Variants in ELL2 observed in about 807,000 individuals in gnomAD.
ELL2 encodes RNA polymerase II elongation factor ELL2.
ELL2 carries 21 observed loss-of-function variants against 72.8 expected under a neutral mutation model. The observed-to-expected ratio is 0.29, with a 90% confidence interval of 0.20 to 0.42. ELL2 has a LOEUF of 0.42. Ranked by LOEUF, ELL2 falls within the 10% of genes least tolerant of loss-of-function variation. The pLI, the probability that ELL2 is intolerant of heterozygous loss-of-function variation, is 1.00. For missense variants in ELL2, 568 were observed against 772.8 expected (o/e 0.73, Z 3.14); for synonymous variants, 266 against 283.2 (o/e 0.94, Z 0.61).
chr5:95,907,949 A>G (rs1173183041), intron 4 of ELL2, among the ~76,000 whole-genome samples: 2 of 152,222 alleles, frequency 1.3e-5, no homozygotes, highest in Non-Finnish European at 2.9e-5. Flanking sequence ...AGGCCTGGTC[A>G]GAAGGCCTGT....
chr5:95,919,276 C>A, intron 3 of ELL2, 148 bp downstream of exon 3: 1 of 989,124 alleles, frequency 1.0e-6, no homozygotes, highest in Non-Finnish European at 1.4e-6. Flanking sequence ...ACAGTAGGTG[C>A]TTAATATTTT....
chr5:95,889,456 C>A (rs149234399), intron 10 of ELL2, among the ~76,000 whole-genome samples: 95 of 152,130 alleles, frequency 6.2e-4, no homozygotes, highest in African/African-American at 2.2e-3. Context: ...TACTAAGAGG[C>A]CATTAAAACA....
chr5:95,887,344 C>T lies in ELL2; in HGVS notation c.*1527G>A, dbSNP rs561653813. On this transcript the variant is annotated 3_prime_UTR_variant, in exon 12 of 12. Transcript: ENST00000237853. ...ATGCTCTCTCAAGTTTTCTAGATAA[C>T]CAACATTTTTCTGGTTTACAGTGAT... The T allele has an allele frequency of 6.5e-6, 1 of 152,722 alleles. No homozygotes were observed. The highest frequency in any genetic ancestry group is 2.1e-4 in the South Asian group (1 of 4,828). 9.5% of individuals were successfully genotyped at this position (152,722 alleles called of 1,614,324 possible). A position where few individuals can be genotyped will look rare whatever the true frequency, so the allele number is the denominator to read the frequency against.
At chr5:95,950,238 C>T (rs1751323094) in intron 1 of ELL2, among the ~76,000 whole-genome samples, 1 of 152,170 alleles carries the variant, frequency 6.6e-6, no homozygotes, top group Non-Finnish European at 1.5e-5. Flanking sequence ...GATCATCTTT[C>T]TTTCCCCCTA....
intron 2 of ELL2, among the ~76,000 whole-genome samples, chr5:95,924,588 CCAAA>C (rs1485392210): frequency 6.6e-6 from 1 of 152,010 alleles, no homozygotes; most frequent in African/African-American, 2.4e-5. Context: ...TGCTGTGATT[CCAAA>C]CAGTTTCTTG....
At chr5:95,920,425 T>C (rs1292226960) in intron 2 of ELL2, among the ~76,000 whole-genome samples, 1 of 151,752 alleles carries the variant, frequency 6.6e-6, no homozygotes, top group East Asian at 1.9e-4. Flanking sequence ...ATTCTCTGCC[T>C]CAGCCTCCTG....
chr5:95,908,150 G>A (rs1268658599), intron 4 of ELL2, among the ~76,000 whole-genome samples: 2 of 152,218 alleles, frequency 1.3e-5, no homozygotes, highest in African/African-American at 4.8e-5. Flanking sequence ...GTTATAATTA[G>A]AGTTTCAGAG....
chr5:95,895,826 T>G (rs548937489), intron 8 of ELL2, 135 bp from the exon 9 acceptor site: 1 of 741,962 alleles, frequency 1.3e-6, no homozygotes, highest in Non-Finnish European at 2.3e-6. Flanking sequence ...TAAGCAACAG[T>G]GAGCAAGGAA....
intron 4 of ELL2, among the ~76,000 whole-genome samples, chr5:95,910,577 G>C (rs1256303775): frequency 6.6e-6 from 1 of 151,944 alleles, no homozygotes; most frequent in African/African-American, 2.4e-5. Context: ...AATAGATTTT[G>C]GTTTCTTCTG....
chr5:95,908,041 C>A (rs1580493236), intron 4 of ELL2, among the ~76,000 whole-genome samples: 1 of 152,196 alleles, frequency 6.6e-6, no homozygotes, highest in African/African-American at 2.4e-5. Flanking sequence ...TGGTATGTTT[C>A]TTTACTATCT....
At chr5:95,938,486 A>T (rs1750856899) in intron 2 of ELL2, among the ~76,000 whole-genome samples, 1 of 152,198 alleles carries the variant, frequency 6.6e-6, no homozygotes, top group South Asian at 2.1e-4. Flanking sequence ...GTCTTTGGGA[A>T]GCCCAGTCAG....
At chr5:95,937,272 A>T (rs926352179) in intron 2 of ELL2, among the ~76,000 whole-genome samples, 2 of 152,180 alleles carry the variant, frequency 1.3e-5, no homozygotes, top group Non-Finnish European at 2.9e-5. Flanking sequence ...GGCACCACAA[A>T]CATACAATCA....
chr5:95,889,988 C>T (rs1434884877), intron 10 of ELL2, among the ~76,000 whole-genome samples: 9 of 152,034 alleles, frequency 5.9e-5, no homozygotes, highest in African/African-American at 1.7e-4. Context: ...ATGTTTATTC[C>T]TCATAACTCA....
intron 2 of ELL2, among the ~76,000 whole-genome samples, chr5:95,934,120 AT>A (rs1203808488): frequency 1.3e-5 from 2 of 152,196 alleles, no homozygotes; most frequent in Non-Finnish European, 2.9e-5. Context: ...ACTAAAAAGC[AT>A]TCAGATTAGT....
intron 3 of ELL2, among the ~76,000 whole-genome samples, chr5:95,917,649 G>A (rs1257319764): frequency 2.0e-5 from 3 of 152,076 alleles, no homozygotes; most frequent in Non-Finnish European, 2.9e-5. Context: ...ATTTTATAAG[G>A]CACCTTGGAT....
At chr5:95,891,868 G>A (rs1748677205) in intron 9 of ELL2, among the ~76,000 whole-genome samples, 1 of 152,062 alleles carries the variant, frequency 6.6e-6, no homozygotes, top group Non-Finnish European at 1.5e-5. Context: ...AACACAAAAG[G>A]GAAATTACCA....
intron 1 of ELL2, among the ~76,000 whole-genome samples, chr5:95,951,995 G>C (rs1272138180): frequency 6.6e-6 from 1 of 152,184 alleles, no homozygotes. Flanking sequence ...GGTAGATAGA[G>C]ATTTGAGGAG....
chr5:95,957,622 A>T (rs1751668819), intron 1 of ELL2, among the ~76,000 whole-genome samples: 1 of 152,314 alleles, frequency 6.6e-6, no homozygotes, highest in Non-Finnish European at 1.5e-5. Context: ...CAAGATATTT[A>T]CTCCAACTAT....
intron 4 of ELL2, among the ~76,000 whole-genome samples, chr5:95,907,292 A>AT (rs895711670): frequency 3.9e-5 from 3 of 76,042 alleles, no homozygotes; most frequent in African/African-American, 2.2e-4. Context: ...ATATATATAT[A>AT]TATATTTTTT....
Sources: allele counts gnomAD v4.1 joint callset (sites outside exome capture counted in the v4.1 genomes callset), GRCh38; gene constraint gnomAD v4.1.1; transcripts MANE v1.5; gene names NCBI Gene and HGNC (gene_info 2026-07-23, HGNC 2026-07-21).